CNIH3: variants seen among roughly 807,000 people sequenced by gnomAD.
The protein encoded by CNIH3 is cornichon family AMPA receptor auxiliary protein 3.
A neutral mutation model predicts 24.1 loss-of-function variants in CNIH3; 14 were observed. The ratio of observed to expected loss-of-function variants is 0.58; its 90% CI spans 0.38 to 0.91. The LOEUF (loss-of-function observed/expected upper bound fraction) is 0.91. Ranked by LOEUF, CNIH3 falls within the 40% of genes least tolerant of loss-of-function variation. CNIH3 has a pLI of 0.00. For missense variants in CNIH3, 178 were observed against 196.8 expected, an observed-to-expected ratio of 0.90 and a Z score of 0.57; for synonymous variants, 68 against 73.8, an observed-to-expected ratio of 0.92 and a Z score of 0.40.
chr1:224,526,940 A>G (rs906472223), intron 2 of CNIH3, among the ~76,000 whole-genome samples: 3 of 152,096 alleles, frequency 2.0e-5, no homozygotes, highest in African/African-American at 7.2e-5. Context: ...TCTCATGAGA[A>G]CTCACTCACT....
At chr1:224,682,167 T>G (rs1350018956) in intron 2 of CNIH3, among the ~76,000 whole-genome samples, 1 of 152,258 alleles carries the variant, frequency 6.6e-6, no homozygotes, top group African/African-American at 2.4e-5. Flanking sequence ...TCCCTTTCTA[T>G]AGAGTTATTA....
intron 1 of CNIH3, among the ~76,000 whole-genome samples, chr1:224,648,624 T>C (rs1269963132): frequency 3.3e-5 from 5 of 152,116 alleles, no homozygotes; most frequent in Non-Finnish European, 5.9e-5. Context: ...AGTTTGCATA[T>C]TGAGGCGAGG....
intron 3 of CNIH3, among the ~76,000 whole-genome samples, chr1:224,716,168 C>T (rs1447923960): frequency 6.6e-6 from 1 of 152,158 alleles, no homozygotes; most frequent in Admixed American, 6.5e-5. Flanking sequence ...CTGACCATCA[C>T]CATCTCTTGC....
chr1:224,564,314 G>A (rs1489425335), intron 3 of CNIH3, among the ~76,000 whole-genome samples: 3 of 152,176 alleles, frequency 2.0e-5, no homozygotes, highest in African/African-American at 7.2e-5. Flanking sequence ...TATATCTCTG[G>A]TTTTCTAAAA....
At chr1:224,586,565 G>A (rs1485795615) in intron 5 of CNIH3, among the ~76,000 whole-genome samples, 15 of 152,192 alleles carry the variant, frequency 9.9e-5, no homozygotes, top group Non-Finnish European at 2.2e-4. Flanking sequence ...TTCCCTGGGA[G>A]ACTTCGAGCC....
intron 3 of CNIH3, among the ~76,000 whole-genome samples, chr1:224,687,679 C>A (rs1457986609): frequency 6.6e-6 from 1 of 152,138 alleles, no homozygotes; most frequent in African/African-American, 2.4e-5. Flanking sequence ...TGTTACAGGA[C>A]CACCAGCTTC....
At chr1:224,611,024 C>T (rs6669231) in intron 3 of CNIH3, among the ~76,000 whole-genome samples, 42,288 of 152,058 alleles carry the variant, frequency 0.28, 6,223 homozygotes, top group East Asian at 0.39. Flanking sequence ...CTCAAACCCC[C>T]CTTCCTTTGC....
chr1:224,501,525 ATTT>A lies in CNIH3; in HGVS notation n.204-14206_204-14204del, dbSNP rs199941125. 5.3e-4 allele frequency among the ~76,000 whole-genome samples: 49 copies of A among 92,800 alleles called. 1 individual carries two copies. Among genetic ancestry groups the A allele is most frequent in the African/African-American group, 1.6e-3 (44 of 27,040 alleles). The allele number at this position is 92,800 out of a possible 152,430, so 60.9% of individuals were successfully genotyped here. On this transcript the variant is annotated intron_variant and non_coding_transcript_variant, in intron 1 of 5. Coordinates refer to the CNIH3 transcript ENST00000471578. ...TGAACCTATATATATATATATATAT[ATTT>A]TTTTTTTTTAACCCCAGAGTTCATG... is the stretch of plus-strand genomic sequence containing the variant.
intron 1 of CNIH3, among the ~76,000 whole-genome samples, chr1:224,509,963 G>A (rs1678073908): frequency 6.6e-6 from 1 of 152,180 alleles, no homozygotes; most frequent in Non-Finnish European, 1.5e-5. Context: ...TCCAGCCCTC[G>A]ATGCACGAAC....
At position 224,595,024 on chromosome 1, in the gene CNIH3, G is replaced by A. The variant is rs573913000; in HGVS notation, n.402+28760G>A. ...CAGCACCATTTCTCCAACATCATGT[G>A]CTTGCCTCATGTCTCTGTGTCATAT... On this transcript the variant is annotated intron_variant and non_coding_transcript_variant, in intron 3 of 7. Transcript: ENST00000478120. 9.2e-5 allele frequency among the ~76,000 whole-genome samples: 14 copies of A among 152,240 alleles called. No homozygotes were observed. In the East Asian group the frequency reaches 1.9e-3, roughly 21 times the overall value.
At chr1:224,661,528 T>C (rs994935764) in intron 1 of CNIH3, 2 of 331,480 alleles carry the variant, frequency 6.0e-6, no homozygotes, top group African/African-American at 2.2e-5. Context: ...CCCAAAGAAG[T>C]CCTCAAATAG....
intron 1 of CNIH3, among the ~76,000 whole-genome samples, chr1:224,449,185 C>T (rs1675286303): frequency 1.3e-5 from 2 of 151,772 alleles, no homozygotes; most frequent in African/African-American, 4.8e-5. Context: ...AGGATGGTCT[C>T]GATCTCTTGA....
chr1:224,474,858 T>C (rs1331698290), intron 1 of CNIH3, among the ~76,000 whole-genome samples: 1 of 137,406 alleles, frequency 7.3e-6, no homozygotes, highest in Non-Finnish European at 1.6e-5. Context: ...AAACCCCGTC[T>C]CTACTAAAAA....
intron 1 of CNIH3, among the ~76,000 whole-genome samples, chr1:224,643,720 C>G (rs1035758825): frequency 3.3e-5 from 5 of 152,240 alleles, no homozygotes; most frequent in African/African-American, 1.2e-4. Flanking sequence ...AACAGGGACT[C>G]AGCAGAACGA....
chr1:224,655,127 G>A (rs926297886), intron 1 of CNIH3, among the ~76,000 whole-genome samples: 1 of 152,160 alleles, frequency 6.6e-6, no homozygotes, highest in Non-Finnish European at 1.5e-5. Context: ...TGGGTGTGAA[G>A]GGGTAAGGGG....
At chr1:224,531,208 G>C (rs791510) in intron 2 of CNIH3, among the ~76,000 whole-genome samples, 40,501 of 152,010 alleles carry the variant, frequency 0.27, 6,595 homozygotes, top group African/African-American at 0.45. Flanking sequence ...ATAAATACCT[G>C]CTGTATGCCA....
chr1:224,656,998 CT>C (rs1685128674), intron 1 of CNIH3, among the ~76,000 whole-genome samples: 1 of 152,152 alleles, frequency 6.6e-6, no homozygotes, highest in South Asian at 2.1e-4. Flanking sequence ...CTGGAGTCCC[CT>C]TGGCTACAAG....
At chr1:224,601,389 C>T (rs1049449484) in intron 3 of CNIH3, among the ~76,000 whole-genome samples, 15 of 152,150 alleles carry the variant, frequency 9.9e-5, no homozygotes, top group Admixed American at 2.0e-4. Flanking sequence ...CAGTGAATGC[C>T]GCCATTTTGC....
At chr1:224,721,278 AACCCC>A (rs540753330) in intron 3 of CNIH3, among the ~76,000 whole-genome samples, 9 of 152,100 alleles carry the variant, frequency 5.9e-5, no homozygotes, top group Non-Finnish European at 1.2e-4. Flanking sequence ...TTGAACCCTT[AACCCC>A]ACTGCCCTCC....
Sources: allele counts gnomAD v4.1 joint callset (sites outside exome capture counted in the v4.1 genomes callset), GRCh38; gene constraint gnomAD v4.1.1; transcripts MANE v1.5; gene names NCBI Gene and HGNC (gene_info 2026-07-23, HGNC 2026-07-21).